The following CLEC2L variants were observed in gnomAD, a reference collection of about 807,000 sequenced individuals.
The protein encoded by CLEC2L is C-type lectin domain family 2, member L.
A neutral mutation model predicts 23.6 loss-of-function variants in CLEC2L; 14 were observed. The ratio of observed to expected loss-of-function variants is 0.59; its 90% CI spans 0.39 to 0.93. CLEC2L has a LOEUF of 0.93. Ranked by LOEUF, CLEC2L falls within the 40% of genes least tolerant of loss-of-function variation. The pLI is 0.00. For synonymous variants in CLEC2L, 114 were observed against 121.3 expected, an observed-to-expected ratio of 0.94 and a Z score of 0.40; for missense variants, 264 against 282.4, an observed-to-expected ratio of 0.93 and a Z score of 0.47.
chr7:139,537,457 G>C (rs926600991), intron 2 of CLEC2L, among the ~76,000 whole-genome samples: 2 of 152,214 alleles, frequency 1.3e-5, no homozygotes, highest in Non-Finnish European at 2.9e-5. Context: ...GTGAATTGAG[G>C]GAAGTGACTA....
intron 1 of CLEC2L, among the ~76,000 whole-genome samples, chr7:139,527,053 T>C (rs1252156809): frequency 6.6e-6 from 1 of 152,248 alleles, no homozygotes; most frequent in Non-Finnish European, 1.5e-5. Flanking sequence ...TCTGCTCCTT[T>C]ATCACCATGT....
rs1433359520 is a variant in CLEC2L, at chr7:139,534,692, G to A, written c.191-1582G>A. The A allele has an allele frequency of 1.7e-5, 7 of 405,886 alleles. No individual in the cohort carries two copies. In the East Asian group the frequency reaches 2.4e-4, roughly 14 times the overall value. 25.1% of individuals were successfully genotyped at this position (405,886 alleles called of 1,614,324 possible). On this transcript the variant is annotated intron_variant, in intron 1 of 4. Transcript: ENST00000422142. Reference sequence around the variant, plus strand: ...CTAGCCAAGATTGGCTGTATTAGATGAAATGTGAAGTTCTTTTTCCATTTG... The same window carrying A: ...CTAGCCAAGATTGGCTGTATTAGATAAAATGTGAAGTTCTTTTTCCATTTG...
chr7:139,538,325 C>T (rs1569427623), intron 2 of CLEC2L, among the ~76,000 whole-genome samples: 1 of 149,588 alleles, frequency 6.7e-6, no homozygotes, highest in East Asian at 2.0e-4. Context: ...CCCAGCTACT[C>T]GGGAGGCTGA....
chr7:139,542,577 C>G (rs1204575255), intron 4 of CLEC2L, among the ~76,000 whole-genome samples: 1 of 152,238 alleles, frequency 6.6e-6, no homozygotes, highest in African/African-American at 2.4e-5. Flanking sequence ...CTGTCCCGGG[C>G]AGCCTCGTGC....
At chr7:139,533,395 G>A (rs1007027338) in intron 1 of CLEC2L, among the ~76,000 whole-genome samples, 12 of 152,126 alleles carry the variant, frequency 7.9e-5, no homozygotes, top group South Asian at 2.1e-4. Flanking sequence ...TCGCTTTGTC[G>A]CTCAGACTGG....
chr7:139,524,834 G>C (rs1024938928), intron 1 of CLEC2L, among the ~76,000 whole-genome samples: 6 of 152,180 alleles, frequency 3.9e-5, no homozygotes, highest in Non-Finnish European at 8.8e-5. Flanking sequence ...GCTTCTCAGG[G>C]TGCTCCTGGC....
chr7:139,540,522 G>A lies in CLEC2L; in HGVS notation c.432+35G>A. 2 of 1,559,782 alleles carry A rather than the reference G, an allele frequency of 1.3e-6. No homozygotes were observed. The highest frequency in any genetic ancestry group is 1.7e-6 in the Non-Finnish European group (2 of 1,152,580). Reference sequence around the variant, plus strand: ...CCAAGGTGAAGGGGGTTGGGGGAAGGGACCCTCAGGGCCCCCAACCTTGAC... The same window carrying A: ...CCAAGGTGAAGGGGGTTGGGGGAAGAGACCCTCAGGGCCCCCAACCTTGAC... On this transcript the variant is annotated intron_variant, in intron 3 of 4. Transcript: ENST00000422142. The surrounding 1 kb of genome is among the most constrained non-coding windows in gnomAD (Gnocchi z 5.8).
Position 139,542,082 on chromosome 7 carries a change from A to G in CLEC2L, c.494A>G (p.Glu165Gly). The change falls in exon 4 of 5, where the codon GAA becomes GGA. Residue 165 changes from glutamate (E) to glycine (G), a missense_variant. By Grantham distance (98) the Glu-to-Gly change is moderately conservative. Transcript: ENST00000422142. ...ATTGGACTACGCAGAGTTGGGGACG[A>G]ATTCCACTGGGTCAACGGGGACCCG... ...PWIGLRRVGD[E>G]FHWVNGDPFD... is the part of the protein sequence containing the mutation. The G allele has an allele frequency of 6.2e-7, 1 of 1,613,158 alleles. No homozygotes were observed. The highest frequency in any genetic ancestry group is 8.5e-7 in the Non-Finnish European group (1 of 1,179,602).
At position 139,544,307 on chromosome 7, in the gene CLEC2L, C is replaced by T. The variant is rs2116332244; in HGVS notation, c.610C>T (p.Arg204Trp). The change falls in exon 5 of 5, where the codon CGG becomes TGG. Residue 204 changes from arginine to tryptophan, a missense_variant. Physicochemically the swap from Arg to Trp is moderately radical, Grantham distance 101 (BLOSUM62 -3). Transcript: ENST00000422142. ...RLVSTECLMT[R>W]PWVCSKMAYT ...GGTGTCGACGGAGTGTCTGATGACC[C>T]GGCCCTGGGTGTGCAGCAAGATGGC... 2 of 1,613,154 alleles carry T rather than the reference C, an allele frequency of 1.2e-6. No individual in the cohort carries two copies. The highest frequency in any genetic ancestry group is 1.7e-6 in the Non-Finnish European group (2 of 1,179,554).
chr7:139,534,434 A>G, intron 1 of CLEC2L: 1 of 867,692 alleles, frequency 1.2e-6, no homozygotes, highest in Non-Finnish European at 2.0e-6. Flanking sequence ...ATGATCTGGC[A>G]GACCTCAGCT....
At position 139,542,090 on chromosome 7, in the gene CLEC2L, T is replaced by A; in HGVS notation, c.502T>A (p.Trp168Arg). 6.2e-7 allele frequency: 1 copy of A among 1,612,882 alleles called. No homozygotes were observed. Among genetic ancestry groups the A allele is most frequent in the Non-Finnish European group, 8.5e-7 (1 of 1,179,454 alleles). Residue 168 changes from tryptophan (W) to arginine (R), a missense_variant, in exon 4 of 5, where the codon TGG becomes AGG. Trp to Arg is a moderately radical substitution (Grantham distance 101). Coordinates refer to ENST00000422142, the MANE Select transcript of CLEC2L (RefSeq NM_001080511.4). The stretch of plus-strand genomic sequence containing the variant: ...ACGCAGAGTTGGGGACGAATTCCAC[T>A]GGGTCAACGGGGACCCGTTTGATCC... ...GLRRVGDEFH[W>R]VNGDPFDPDT...
intron 1 of CLEC2L, among the ~76,000 whole-genome samples, chr7:139,526,581 G>A (rs1391571535): frequency 6.6e-6 from 1 of 152,242 alleles, no homozygotes; most frequent in Non-Finnish European, 1.5e-5. Context: ...CCAGGACAGG[G>A]ACTGAGGCAG....
rs575545466 is a variant in CLEC2L at position 139,538,654 on chromosome 7, C to G, written c.266-1667C>G. ...ATCCCAGCTACTCAGGAGGCTGAGG[C>G]GGGAGAATTGCTTGAATCCGGGAGG... On this transcript the variant is annotated intron_variant, in intron 2 of 4. Coordinates refer to ENST00000422142, the MANE Select transcript of CLEC2L (RefSeq NM_001080511.4). 5.3e-5 allele frequency among the ~76,000 whole-genome samples: 8 copies of G among 151,992 alleles called. No homozygotes were observed. In the South Asian group the frequency reaches 1.7e-3, roughly 32 times the overall value.
intron 1 of CLEC2L, among the ~76,000 whole-genome samples, chr7:139,532,953 C>A (rs376832009): frequency 1.3e-5 from 2 of 152,116 alleles, no homozygotes; most frequent in Non-Finnish European, 2.9e-5. Flanking sequence ...ATGAAAGAGG[C>A]GTTTTGGTGT....
At chr7:139,538,191 G>C (rs546447445) in intron 2 of CLEC2L, among the ~76,000 whole-genome samples, 2 of 152,136 alleles carry the variant, frequency 1.3e-5, no homozygotes, top group South Asian at 4.1e-4. Context: ...CCAGCACTTC[G>C]GGAGGCCAAG....
chr7:139,528,753 T>C (rs1344930901), intron 1 of CLEC2L, among the ~76,000 whole-genome samples: 2 of 152,138 alleles, frequency 1.3e-5, no homozygotes, highest in Non-Finnish European at 2.9e-5. Context: ...TGGACTGATG[T>C]GGTTGCAAGC....
Position 139,540,170 on chromosome 7 carries a change from AC to A in CLEC2L, c.266-148del. ...CCCCTTTCTCATTCATTTAGTGGCC[AC>A]CCTTTTACCTCCAGGCACCAGGAGA... is the stretch of plus-strand genomic sequence containing the variant. On this transcript the variant is annotated intron_variant, in intron 2 of 4. Transcript: ENST00000422142. This position sits in a 1 kb window ranked among gnomAD's most constrained non-coding sequence, Gnocchi z 5.8. 4.3e-6 allele frequency: 3 copies of A among 697,510 alleles called. No individual in the cohort carries two copies. Among genetic ancestry groups the A allele is most frequent in the Non-Finnish European group, 7.0e-6 (3 of 428,778 alleles). 43.2% of individuals were successfully genotyped at this position (697,510 alleles called of 1,614,324 possible).
At position 139,540,256 on chromosome 7, in the gene CLEC2L, A is replaced by G. The variant is rs866138786; in HGVS notation, c.266-65A>G. 1.3e-6 allele frequency: 2 copies of G among 1,511,232 alleles called. No homozygotes were observed. Among genetic ancestry groups the G allele is most frequent in the African/African-American group, 2.8e-5 (2 of 72,124 alleles). 93.6% of individuals were successfully genotyped at this position (1,511,232 alleles called of 1,614,324 possible). ...CAAAGCTGAGGCAGGGGAGGGAGCC[A>G]CAGAAAGCAGAGTGGGACTCGGGCT... On this transcript the variant is annotated intron_variant, in intron 2 of 4. Coordinates refer to ENST00000422142, the MANE Select transcript of CLEC2L (RefSeq NM_001080511.4). The surrounding 1 kb of genome is among the most constrained non-coding windows in gnomAD (Gnocchi z 5.8).
At chr7:139,542,464 G>C (rs904787594) in intron 4 of CLEC2L, among the ~76,000 whole-genome samples, 1 of 152,192 alleles carries the variant, frequency 6.6e-6, no homozygotes, top group Non-Finnish European at 1.5e-5. Flanking sequence ...CAGCCAGAAC[G>C]GGACAGAGAA....
Sources: allele counts gnomAD v4.1 joint callset (sites outside exome capture counted in the v4.1 genomes callset), GRCh38; gene constraint gnomAD v4.1.1; non-coding constraint Gnocchi (gnomAD v3.1); transcripts MANE v1.5; gene names NCBI Gene and HGNC (gene_info 2026-07-23, HGNC 2026-07-21).